Variants in NPR3 observed in about 807,000 individuals in gnomAD.
NPR3 encodes the protein atrial natriuretic peptide receptor 3.
A neutral mutation model predicts 54.5 loss-of-function variants in NPR3; 34 were observed. The ratio of observed to expected loss-of-function variants is 0.62; its 90% CI spans 0.47 to 0.83. NPR3 has a LOEUF of 0.83. Ranked by LOEUF, NPR3 falls within the 40% of genes least tolerant of loss-of-function variation. The probability of loss-of-function intolerance (pLI) is 0.00; values close to 1 mark genes in which losing one functional copy is unlikely to be tolerated. For synonymous variants in NPR3, 289 were observed against 297.1 expected (o/e 0.97, Z 0.28); for missense variants, 674 against 720.8 (o/e 0.94, Z 0.74).
intron 3 of NPR3, among the ~76,000 whole-genome samples, chr5:32,771,180 C>T (rs1269127212): frequency 2.0e-5 from 3 of 151,698 alleles, no homozygotes; most frequent in Non-Finnish European, 2.9e-5. Context: ...CAAGAAAAGC[C>T]GGTCTCTGGG....
At chr5:32,702,554 T>C (rs1453934937) in intron 1 of NPR3, among the ~76,000 whole-genome samples, 2 of 152,074 alleles carry the variant, frequency 1.3e-5, no homozygotes, top group Non-Finnish European at 2.9e-5. Flanking sequence ...GAATGATGAT[T>C]TCCAATTTCA....
At position 32,757,143 on chromosome 5, in the gene NPR3, A is replaced by C. The variant is rs145147826; in HGVS notation, c.1060-17565A>C. On this transcript the variant is annotated intron_variant, in intron 3 of 7. Transcript: ENST00000265074. ...TAGTTTTTTCCAATTCTGTGATGAAAGTCATTGGTAGCTTGATGGGGAAGG... is the reference window on the plus strand; with the variant it reads ...TAGTTTTTTCCAATTCTGTGATGAACGTCATTGGTAGCTTGATGGGGAAGG... 2.8e-3 allele frequency among the ~76,000 whole-genome samples: 424 copies of C among 152,300 alleles called. 8 individuals are homozygous for C. In the East Asian group the frequency reaches 0.076, roughly 27 times the overall value.
rs745984932 is a variant in NPR3 at position 32,712,061 on chromosome 5, G to A, written c.285G>A (p.Pro95=). The change falls in exon 1 of 8, where the codon CCG becomes CCA. Residue 95 remains proline, a synonymous_variant. Transcript: ENST00000265074. Reference sequence around the variant, plus strand: ...GGACTGGGAGGCGGCTTCTGCCGCCGGGCACTCGCTTCCAGGTGGCTTACG... The same window carrying A: ...GGACTGGGAGGCGGCTTCTGCCGCCAGGCACTCGCTTCCAGGTGGCTTACG... ...GNGTGRRLLP[P]GTRFQVAYED... 3 of 1,613,854 alleles carry A rather than the reference G, an allele frequency of 1.9e-6. No homozygotes were observed. Among genetic ancestry groups the A allele is most frequent in the Admixed American group, 1.7e-5 (1 of 60,024 alleles).
intron 2 of NPR3, among the ~76,000 whole-genome samples, chr5:32,738,306 G>A (rs1348443737): frequency 2.0e-5 from 3 of 150,436 alleles, no homozygotes; most frequent in East Asian, 3.9e-4. Flanking sequence ...CCCCCTGATA[G>A]GCCCTGGTGT....
chr5:32,740,610 A>G (rs767680977), intron 3 of NPR3, among the ~76,000 whole-genome samples: 6 of 150,370 alleles, frequency 4.0e-5, no homozygotes, highest in Non-Finnish European at 8.9e-5. Context: ...GAAAAAGTGA[A>G]AAAAAAAACC....
chr5:32,727,709 G>A lies in NPR3; in HGVS notation c.892+2889G>A, dbSNP rs141031820. ...AATGGTATTTATGTAGAGAAGCAATGAGTTCTTGTTTATTTATTTTGCAAG... is the reference window on the plus strand; with the variant it reads ...AATGGTATTTATGTAGAGAAGCAATAAGTTCTTGTTTATTTATTTTGCAAG... On this transcript the variant is annotated intron_variant, in intron 2 of 7. Coordinates refer to ENST00000265074, the MANE Select transcript of NPR3 (RefSeq NM_001204375.2). 1.2e-4 allele frequency among the ~76,000 whole-genome samples: 18 copies of A among 152,224 alleles called. No homozygotes were observed. The East Asian group carries it at 3.1e-3, about 26-fold the overall frequency.
chr5:32,760,159 G>A (rs371970586), intron 3 of NPR3, among the ~76,000 whole-genome samples: 57 of 151,796 alleles, frequency 3.8e-4, no homozygotes, highest in African/African-American at 1.2e-3. Context: ...TATTGTGACC[G>A]AAGCTGCAAT....
At position 32,712,086 on chromosome 5, in the gene NPR3, G is replaced by C. The variant is rs1215460292; in HGVS notation, c.310G>C (p.Glu104Gln). Reference sequence around the variant, plus strand: ...GGGCACTCGCTTCCAGGTGGCTTACGAGGATTCAGACTGTGGGAACCGTGC... The same window carrying C: ...GGGCACTCGCTTCCAGGTGGCTTACCAGGATTCAGACTGTGGGAACCGTGC... ...PPGTRFQVAY[E>Q]DSDCGNRALF... Residue 104 changes from glutamate (E) to glutamine (Q), a missense_variant, in exon 1 of 8, where the codon GAG (glutamate) becomes CAG (glutamine). By Grantham distance (29) the Glu-to-Gln change is conservative. Coordinates refer to ENST00000265074, the MANE Select transcript of NPR3 (RefSeq NM_001204375.2). 2 of 1,613,844 alleles carry C rather than the reference G, an allele frequency of 1.2e-6. No homozygotes were observed. The highest frequency in any genetic ancestry group is 1.7e-5 in the Admixed American group (1 of 60,028).
At chr5:32,774,673 T>A in intron 3 of NPR3, 35 bp from the exon 4 acceptor site, 1 of 1,561,762 alleles carries the variant, frequency 6.4e-7, no homozygotes, top group Non-Finnish European at 8.8e-7. Flanking sequence ...AGTCACTTGG[T>A]GTTTTGGTTC....
chr5:32,782,186 T>A (rs1372372235), intron 5 of NPR3, among the ~76,000 whole-genome samples: 3 of 152,164 alleles, frequency 2.0e-5, no homozygotes, highest in Non-Finnish European at 2.9e-5. Context: ...GGTGGGTTCA[T>A]CAGAGAGGAG....
intron 3 of NPR3, among the ~76,000 whole-genome samples, chr5:32,743,698 G>T (rs1740147536): frequency 6.6e-6 from 1 of 152,138 alleles, no homozygotes; most frequent in South Asian, 2.1e-4. Context: ...TTCAGGCTGG[G>T]TTGTCTCAAA....
At chr5:32,748,243 C>T (rs934179719) in intron 3 of NPR3, among the ~76,000 whole-genome samples, 3 of 152,018 alleles carry the variant, frequency 2.0e-5, no homozygotes, top group Non-Finnish European at 2.9e-5. Flanking sequence ...CTTTCTTTTT[C>T]TCCATCTCTA....
In NPR3 at chr5:32,704,258, A is replaced by T. The variant is rs978978640; in HGVS notation, c.100+15072A>T. Among the ~76,000 whole-genome samples, 25 of 152,180 alleles carry T rather than the reference A, an allele frequency of 1.6e-4. 1 individual carries two copies. The highest frequency in any genetic ancestry group is 1.5e-3 in the Admixed American group (23 of 15,278). On this transcript the variant is annotated intron_variant, in intron 1 of 5. Coordinates refer to the NPR3 transcript ENST00000509104. ...GGGGAAGGTTGGCATTGGCAATTCA[A>T]GGCTGTCTTTCCTACCCTTTTTTAA...
intron 2 of NPR3, among the ~76,000 whole-genome samples, chr5:32,731,453 C>T (rs898984038): frequency 6.6e-6 from 1 of 152,130 alleles, no homozygotes; most frequent in Non-Finnish European, 1.5e-5. Flanking sequence ...TAACTCTGCC[C>T]TCCCCTGCAA....
intron 2 of NPR3, among the ~76,000 whole-genome samples, chr5:32,738,513 A>T (rs1394977740): frequency 6.6e-6 from 1 of 152,252 alleles, no homozygotes; most frequent in Non-Finnish European, 1.5e-5. Context: ...GTAGGTATTA[A>T]AAAAGAAGTA....
chr5:32,737,030 GCC>G (rs1043035549), intron 2 of NPR3, among the ~76,000 whole-genome samples: 2 of 152,128 alleles, frequency 1.3e-5, no homozygotes, highest in African/African-American at 4.8e-5. Context: ...TAGACTAAGT[GCC>G]CAGCTGCCTC....
intron 1 of NPR3, among the ~76,000 whole-genome samples, chr5:32,696,368 T>A (rs1374588935): frequency 6.6e-6 from 1 of 152,202 alleles, no homozygotes; most frequent in African/African-American, 2.4e-5. Context: ...TGTCTGTTTT[T>A]ATGCTAGTAC....
chr5:32,776,189 T>A (rs958619841), intron 4 of NPR3, among the ~76,000 whole-genome samples: 13 of 152,218 alleles, frequency 8.5e-5, no homozygotes, highest in Non-Finnish European at 1.9e-4. Context: ...TCATCTTAGG[T>A]TTTTTACTTG....
intron 3 of NPR3, among the ~76,000 whole-genome samples, chr5:32,765,736 C>T (rs1232757791): frequency 2.0e-5 from 3 of 152,132 alleles, no homozygotes; most frequent in African/African-American, 4.8e-5. Flanking sequence ...AGAAGAAGTT[C>T]GCTGGCTCAC....
Sources: allele counts gnomAD v4.1 joint callset (sites outside exome capture counted in the v4.1 genomes callset), GRCh38; gene constraint gnomAD v4.1.1; transcripts MANE v1.5; gene names NCBI Gene and HGNC (gene_info 2026-07-23, HGNC 2026-07-21).